Variants in PLSCR1 observed in about 807,000 individuals in gnomAD.
The protein encoded by PLSCR1 is PL scramblase 1.
PLSCR1 carries 17 observed loss-of-function variants against 37.8 expected under a neutral mutation model. The ratio of observed to expected loss-of-function variants is 0.45; its 90% CI spans 0.31 to 0.68. PLSCR1 has a LOEUF of 0.68. Among genes scored for constraint, PLSCR1 ranks in the 30% least tolerant of loss-of-function variants. The pLI is 0.06. For synonymous variants in PLSCR1, 116 were observed against 125.9 expected (o/e 0.92, Z 0.53); for missense variants, 347 against 380.9 (o/e 0.91, Z 0.74).
intron 4 of PLSCR1, among the ~76,000 whole-genome samples, chr3:146,526,866 G>A: frequency 6.6e-6 from 1 of 152,156 alleles, no homozygotes; most frequent in East Asian, 1.9e-4. Context: ...TAGAGGCCAG[G>A]CGCAGTGGTT....
chr3:146,536,470 G>T, intron 2 of PLSCR1, 70 bp downstream of exon 2: 2 of 875,446 alleles, frequency 2.3e-6, no homozygotes, highest in South Asian at 2.7e-5. Context: ...AAAACATTAT[G>T]ACAAATAACA....
intron 1 of PLSCR1, among the ~76,000 whole-genome samples, chr3:146,537,824 G>A (rs1046908626): frequency 6.6e-6 from 1 of 152,176 alleles, no homozygotes; most frequent in Non-Finnish European, 1.5e-5. Flanking sequence ...GAAGTATGAT[G>A]TCATCACTGC....
intron 1 of PLSCR1, among the ~76,000 whole-genome samples, chr3:146,538,353 T>A (rs564277583): frequency 1.3e-5 from 2 of 152,318 alleles, no homozygotes; most frequent in East Asian, 3.9e-4. Flanking sequence ...ATTTCTACCA[T>A]CAAAGACTAT....
At chr3:146,533,332 A>G (rs970154576) in intron 3 of PLSCR1, 138 bp downstream of exon 3, 42 of 446,370 alleles carry the variant, frequency 9.4e-5, no homozygotes, top group Non-Finnish European at 1.1e-4. Flanking sequence ...TTTCATTAAT[A>G]TAATTTTAAA....
At chr3:146,522,300 G>A (rs1025075297) in intron 5 of PLSCR1, among the ~76,000 whole-genome samples, 1 of 152,222 alleles carries the variant, frequency 6.6e-6, no homozygotes, top group African/African-American at 2.4e-5. Flanking sequence ...TACCATGTCT[G>A]TGTAGAAAGA....
chr3:146,532,333 C>A (rs1298609207), intron 3 of PLSCR1, among the ~76,000 whole-genome samples: 32 of 152,172 alleles, frequency 2.1e-4, no homozygotes, highest in Admixed American at 2.1e-3. Flanking sequence ...ATGTTCTCAA[C>A]CCTGGCTTCA....
intron 5 of PLSCR1, among the ~76,000 whole-genome samples, chr3:146,522,658 C>G (rs887044770): frequency 6.6e-6 from 1 of 152,062 alleles, no homozygotes; most frequent in African/African-American, 2.4e-5. Context: ...AAGACCTGAC[C>G]GTCCACCAGT....
At chr3:146,529,294 G>A (rs796588376) in intron 3 of PLSCR1, among the ~76,000 whole-genome samples, 2 of 152,110 alleles carry the variant, frequency 1.3e-5, no homozygotes, top group African/African-American at 4.8e-5. Context: ...AGAACTGGGG[G>A]TAGTTTTGCC....
chr3:146,523,299 T>C (rs1159816464), intron 5 of PLSCR1, among the ~76,000 whole-genome samples: 1 of 152,226 alleles, frequency 6.6e-6, no homozygotes, highest in Admixed American at 6.5e-5. Context: ...AGAGAGACTT[T>C]TCTGCTGAGA....
chr3:146,525,680 A>C, intron 4 of PLSCR1, 33 bp from the exon 5 acceptor site: 1 of 1,075,212 alleles, frequency 9.3e-7, no homozygotes, highest in South Asian at 1.4e-5. Flanking sequence ...TGGTATGTAT[A>C]TGTCAAATGA....
intron 1 of PLSCR1, among the ~76,000 whole-genome samples, chr3:146,543,611 T>A (rs2044365635): frequency 6.6e-6 from 1 of 152,190 alleles, no homozygotes; most frequent in South Asian, 2.1e-4. Flanking sequence ...CTTCCAGGAA[T>A]AACAGTGCAT....
At chr3:146,535,631 A>G (rs2044256268) in intron 2 of PLSCR1, among the ~76,000 whole-genome samples, 1 of 152,236 alleles carries the variant, frequency 6.6e-6, no homozygotes, top group Non-Finnish European at 1.5e-5. Flanking sequence ...ACAAAACTGA[A>G]GAGTTAAAAG....
intron 5 of PLSCR1, among the ~76,000 whole-genome samples, chr3:146,522,464 T>C (rs796592045): frequency 6.6e-6 from 1 of 151,724 alleles, no homozygotes; most frequent in Admixed American, 6.6e-5. Flanking sequence ...GTGCAGGATG[T>C]GCTTTGTTAA....
intron 7 of PLSCR1, among the ~76,000 whole-genome samples, chr3:146,518,890 T>C (rs1157545298): frequency 3.3e-5 from 5 of 152,130 alleles, no homozygotes. Flanking sequence ...AACTTTCAAA[T>C]CCATGAGTGC....
At chr3:146,530,258 T>C (rs2044178090) in intron 3 of PLSCR1, among the ~76,000 whole-genome samples, 1 of 152,228 alleles carries the variant, frequency 6.6e-6, no homozygotes, top group South Asian at 2.1e-4. Flanking sequence ...TCATTTATGA[T>C]AAAATTCATT....
chr3:146,531,085 G>A lies in PLSCR1; in HGVS notation c.95-2254C>T, dbSNP rs531729377. Among the ~76,000 whole-genome samples, 12 of 152,290 alleles carry A rather than the reference G, an allele frequency of 7.9e-5. No individual in the cohort carries two copies. In the South Asian group the frequency reaches 2.5e-3, roughly 32 times the overall value. ...TTTATGACTAGAGATGCCAAAGGTC[G>A]CTATTGAGATGGGAAGAGAAAAAGG... On this transcript the variant is annotated intron_variant, in intron 3 of 8. Coordinates refer to ENST00000342435, the MANE Select transcript of PLSCR1 (RefSeq NM_021105.3).
chr3:146,520,872 A>G (rs376790089), intron 7 of PLSCR1, among the ~76,000 whole-genome samples: 1 of 152,172 alleles, frequency 6.6e-6, no homozygotes. Context: ...ATTAAGTTAT[A>G]AAACCTTCTG....
intron 1 of PLSCR1, among the ~76,000 whole-genome samples, chr3:146,542,981 TG>T (rs1205686683): frequency 1.3e-5 from 2 of 152,094 alleles, no homozygotes; most frequent in South Asian, 2.1e-4. Flanking sequence ...GAAAGGGTTA[TG>T]GGGCACTAAC....
At chr3:146,541,800 A>G (rs2044341503) in intron 1 of PLSCR1, among the ~76,000 whole-genome samples, 1 of 152,218 alleles carries the variant, frequency 6.6e-6, no homozygotes, top group African/African-American at 2.4e-5. Context: ...AAATATGATT[A>G]GTTTATAAGC....
Sources: gnomAD v4.1 joint callset for allele counts (sites outside exome capture counted in the v4.1 genomes callset) on GRCh38, gnomAD v4.1.1 for gene constraint, MANE v1.5 for transcripts, NCBI Gene and HGNC (gene_info 2026-07-23, HGNC 2026-07-21) for gene names.